The following ROBO2 variants were observed in gnomAD, a reference collection of about 807,000 sequenced individuals.
The protein encoded by ROBO2 is roundabout homolog 2.
Under a neutral mutation model 160.8 loss-of-function variants are expected in ROBO2, and 53 were observed. That is an observed-to-expected ratio of 0.33 (90% CI 0.26 to 0.41). The LOEUF (loss-of-function observed/expected upper bound fraction) is 0.41. Ranked by LOEUF, ROBO2 falls within the 10% of genes least tolerant of loss-of-function variation. The pLI, the probability that ROBO2 is intolerant of heterozygous loss-of-function variation, is 1.00. For missense variants in ROBO2, 1,577 were observed against 1,722.4 expected (o/e 0.92, Z 1.49); for synonymous variants, 664 against 611.7 (o/e 1.09, Z -1.26).
Position 77,333,400 on chromosome 3 carries a change from G to A in ROBO2, c.389-144014G>A, listed in dbSNP as rs552289666. Among the ~76,000 whole-genome samples the A allele has an allele frequency of 5.3e-5, 8 of 152,144 alleles. No individual in the cohort carries two copies. In the South Asian group the frequency reaches 6.2e-4, roughly 12 times the overall value. The stretch of plus-strand genomic sequence containing the variant: ...AAATGGTAAAGAATCCTAGATTTTC[G>A]TTTTATTAGATTGATTAGAACAGAA... On this transcript the variant is annotated intron_variant, in intron 2 of 25. Coordinates refer to ENST00000461745, the Ensembl canonical transcript of ROBO2.
At chr3:76,872,162 C>A (rs1011382503) in intron 2 of ROBO2, among the ~76,000 whole-genome samples, 1 of 152,022 alleles carries the variant, frequency 6.6e-6, no homozygotes. Context: ...ATCAGTTGAA[C>A]AATAAACTCT....
intron 21 of ROBO2, among the ~76,000 whole-genome samples, chr3:77,609,720 CAA>C (rs1462302522): frequency 6.7e-6 from 1 of 150,372 alleles, no homozygotes; most frequent in Non-Finnish European, 1.5e-5. Flanking sequence ...TTATTTAACA[CAA>C]ATTATTTTCA....
chr3:76,422,269 A>G (rs1421524438), intron 2 of ROBO2, among the ~76,000 whole-genome samples: 1 of 152,168 alleles, frequency 6.6e-6, no homozygotes, highest in Non-Finnish European at 1.5e-5. Flanking sequence ...TCTCTCCCAA[A>G]TGTATAATTT....
chr3:76,951,007 C>A (rs751604454), intron 2 of ROBO2, among the ~76,000 whole-genome samples: 6 of 152,154 alleles, frequency 3.9e-5, no homozygotes, highest in Admixed American at 3.3e-4. Context: ...GAATTACAGG[C>A]GTGAGCCCCT....
chr3:76,596,366 A>C (rs1354729417), intron 2 of ROBO2, among the ~76,000 whole-genome samples: 1 of 152,172 alleles, frequency 6.6e-6, no homozygotes, highest in Non-Finnish European at 1.5e-5. Flanking sequence ...TATGTTAAAT[A>C]ACATAGACTA....
intron 2 of ROBO2, among the ~76,000 whole-genome samples, chr3:76,238,615 A>G (rs1360726742): frequency 6.8e-6 from 1 of 147,504 alleles, no homozygotes; most frequent in Non-Finnish European, 1.5e-5. Context: ...TGATCTAATC[A>G]CCTCCCCCCA....
At chr3:76,331,074 G>A (rs1468641048) in intron 2 of ROBO2, among the ~76,000 whole-genome samples, 3 of 152,120 alleles carry the variant, frequency 2.0e-5, no homozygotes, top group Admixed American at 6.5e-5. Flanking sequence ...CTACCACTTC[G>A]AATGGAATAA....
intron 2 of ROBO2, among the ~76,000 whole-genome samples, chr3:76,391,041 G>C (rs1241707305): frequency 1.3e-5 from 2 of 152,024 alleles, no homozygotes; most frequent in Non-Finnish European, 2.9e-5. Context: ...TCCATGTAAA[G>C]TCTTCAGCAC....
intron 2 of ROBO2, among the ~76,000 whole-genome samples, chr3:77,345,113 A>C (rs1479507284): frequency 6.6e-6 from 1 of 152,138 alleles, no homozygotes; most frequent in Non-Finnish European, 1.5e-5. Context: ...GATTTGAGTT[A>C]AGATGTCAGC....
intron 2 of ROBO2, among the ~76,000 whole-genome samples, chr3:76,895,128 T>A (rs145214828): frequency 1.8e-3 from 267 of 152,250 alleles, no homozygotes; most frequent in African/African-American, 6.0e-3. Context: ...TTCATCCTCT[T>A]TTATCTTCCT....
chr3:76,930,002 G>T (rs1020147500), intron 2 of ROBO2, among the ~76,000 whole-genome samples: 1 of 151,952 alleles, frequency 6.6e-6, no homozygotes, highest in African/African-American at 2.4e-5. Flanking sequence ...TCATCTTCTT[G>T]TATATTACTT....
intron 5 of ROBO2, among the ~76,000 whole-genome samples, chr3:77,514,508 T>G (rs2089782117): frequency 6.6e-6 from 1 of 151,774 alleles, no homozygotes; most frequent in African/African-American, 2.4e-5. Context: ...TGCTGTTTGT[T>G]AGAAAAATAA....
At chr3:76,049,470 C>A (rs1221012733) in intron 2 of ROBO2, among the ~76,000 whole-genome samples, 1 of 141,298 alleles carries the variant, frequency 7.1e-6, no homozygotes, top group African/African-American at 2.7e-5. Flanking sequence ...CCTCAAACTC[C>A]TGGACTCAAG....
chr3:76,460,163 A>T (rs972608348), intron 2 of ROBO2, among the ~76,000 whole-genome samples: 3 of 152,136 alleles, frequency 2.0e-5, no homozygotes, highest in African/African-American at 7.2e-5. Context: ...AACTGAGCAC[A>T]AAGATGCACT....
In ROBO2 at chr3:77,300,884, AT is replaced by A. The variant is rs1165862403; in HGVS notation, c.389-176527del. On this transcript the variant is annotated intron_variant, in intron 2 of 25. Transcript: ENST00000461745. ...TATTTATTTATTTATTTATTTATTT[AT>A]TTATTTGGCAGAGTCTCACTCTGTC... Among the ~76,000 whole-genome samples the A allele has an allele frequency of 2.3e-5, 3 of 130,110 alleles. No individual in the cohort carries two copies. In the East Asian group the frequency reaches 6.7e-4, roughly 29 times the overall value. 85.4% of individuals were successfully genotyped at this position (130,110 alleles called of 152,430 possible). A position where few individuals can be genotyped will look rare whatever the true frequency, so the allele number is the denominator to read the frequency against.
At chr3:76,948,902 ATATATATT>A (rs1296910842) in intron 2 of ROBO2, among the ~76,000 whole-genome samples, 1,466 of 42,486 alleles carry the variant, frequency 0.035, 4 homozygotes, top group Non-Finnish European at 0.043. Context: ...ATATATATAT[ATATATATT>A]TTTTTTTTTT....
At chr3:77,043,185 C>G (rs1461875678) in intron 1 of ROBO2, among the ~76,000 whole-genome samples, 1 of 152,174 alleles carries the variant, frequency 6.6e-6, no homozygotes, top group Non-Finnish European at 1.5e-5. Flanking sequence ...TTTGTAGGTT[C>G]TCTAAGCTTT....
chr3:77,437,464 T>C (rs1054660629), intron 2 of ROBO2, among the ~76,000 whole-genome samples: 2 of 151,996 alleles, frequency 1.3e-5, no homozygotes, highest in Non-Finnish European at 2.9e-5. Flanking sequence ...ATAGTGATTA[T>C]TATTACATTA....
At chr3:77,215,484 AT>A (rs776903590) in intron 2 of ROBO2, among the ~76,000 whole-genome samples, 1 of 151,580 alleles carries the variant, frequency 6.6e-6, no homozygotes, top group Non-Finnish European at 1.5e-5. Context: ...CATTTGTCTA[AT>A]TTTTTTTCAA....
Sources: allele counts gnomAD v4.1 joint callset (sites outside exome capture counted in the v4.1 genomes callset), GRCh38; gene constraint gnomAD v4.1.1; transcripts MANE v1.5; gene names NCBI Gene and HGNC (gene_info 2026-07-23, HGNC 2026-07-21).